Variants in PACC1 observed in about 807,000 individuals in gnomAD.
The protein encoded by PACC1 is proton activated chloride channel 1.
A neutral mutation model predicts 39.7 loss-of-function variants in PACC1; 34 were observed. The ratio of observed to expected loss-of-function variants is 0.86; its 90% CI spans 0.65 to 1.14. PACC1 has a LOEUF of 1.14. PACC1 is among the 50% of genes most tolerant of loss of function. PACC1 has a pLI of 0.00. For synonymous variants in PACC1, 127 were observed against 160.6 expected (o/e 0.79, Z 1.58); for missense variants, 379 against 436.4 (o/e 0.87, Z 1.17).
intron 7 of PACC1, among the ~76,000 whole-genome samples, chr1:212,365,691 C>A (rs1660214137): frequency 6.6e-6 from 1 of 151,856 alleles, no homozygotes; most frequent in African/African-American, 2.4e-5. Context: ...TGTCATAACT[C>A]TATATACTTC....
At chr1:212,381,424 T>G (rs1292814251) in intron 4 of PACC1, among the ~76,000 whole-genome samples, 2 of 152,130 alleles carry the variant, frequency 1.3e-5, no homozygotes, top group Admixed American at 6.5e-5. Context: ...TACCATTTTG[T>G]TTTAAGTGTG....
chr1:212,387,038 A>C lies in PACC1; in HGVS notation c.196T>G (p.Phe66Val). ...TAGATGAAGATGAGTAGGACCGAGA[A>C]GACGTTCTTCAGGCAGGCCTTGCTG... The part of the protein sequence containing the change: ...RFSKACLKNV[F>V]SVLLIFIYLL... Residue 66 changes from phenylalanine to valine, a missense_variant, in exon 3 of 8, where the codon TTC becomes GTC. Transcript: ENST00000261455. 6.2e-7 allele frequency: 1 copy of C among 1,614,252 alleles called. No homozygotes were observed. Among genetic ancestry groups the C allele is most frequent in the South Asian group, 1.1e-5 (1 of 91,088 alleles).
chr1:212,404,549 T>C (rs1191757658), intron 2 of PACC1, among the ~76,000 whole-genome samples: 2 of 152,016 alleles, frequency 1.3e-5, no homozygotes, highest in African/African-American at 4.8e-5. Context: ...AACCATACCA[T>C]GCTATTCATG....
chr1:212,385,480 C>A (rs1386126565), intron 3 of PACC1, 55 bp from the exon 4 acceptor site: 18 of 1,594,092 alleles, frequency 1.1e-5, no homozygotes, highest in Non-Finnish European at 1.5e-5. Flanking sequence ...TGACCACATC[C>A]CTGAAATCAT....
chr1:212,366,696 G>A (rs192966192), intron 7 of PACC1, among the ~76,000 whole-genome samples: 1 of 152,192 alleles, frequency 6.6e-6, no homozygotes, highest in African/African-American at 2.4e-5. Context: ...GGCTCCACTT[G>A]GCCCATAATA....
intron 1 of PACC1, 108 bp from the exon 2 acceptor site, chr1:212,410,629 A>T (rs1018160900): frequency 1.4e-5 from 14 of 974,948 alleles, no homozygotes; most frequent in Non-Finnish European, 2.3e-5. Context: ...GTCACCAAAA[A>T]CCACATGACA....
chr1:212,378,060 G>A (rs1433540781), intron 5 of PACC1, among the ~76,000 whole-genome samples: 3 of 152,088 alleles, frequency 2.0e-5, no homozygotes, highest in Non-Finnish European at 2.9e-5. Context: ...CCCAGAACAT[G>A]GCGCTCACAG....
rs1662087046 is a variant in PACC1 at position 212,410,524 on chromosome 1, A to G, written c.37-3T>C. The stretch of plus-strand genomic sequence containing the variant: ...ACCTGGACCAACTCCTCACTCAGCT[A>G]AAGGGAGAAGCAAAGAGAGCAAAGA... On this transcript the variant is annotated splice_region_variant and splice_polypyrimidine_tract_variant and intron_variant, in intron 1 of 7. Transcript: ENST00000261455. 6.2e-7 allele frequency: 1 copy of G among 1,613,772 alleles called. No homozygotes were observed. The highest frequency in any genetic ancestry group is 8.5e-7 in the Non-Finnish European group (1 of 1,179,772).
At chr1:212,388,003 G>A (rs1266352948) in intron 2 of PACC1, among the ~76,000 whole-genome samples, 1 of 147,250 alleles carries the variant, frequency 6.8e-6, no homozygotes, top group African/African-American at 2.6e-5. Flanking sequence ...GCAGTGAGCC[G>A]AGATTACTCC....
intron 2 of PACC1, among the ~76,000 whole-genome samples, chr1:212,397,898 G>A (rs1302094216): frequency 2.6e-5 from 4 of 152,208 alleles, no homozygotes; most frequent in African/African-American, 9.7e-5. Flanking sequence ...TTACGAGCAT[G>A]AGCTTTAGAG....
intron 4 of PACC1, among the ~76,000 whole-genome samples, chr1:212,380,257 T>A (rs965456911): frequency 6.6e-5 from 10 of 152,216 alleles, no homozygotes; most frequent in Admixed American, 5.2e-4. Context: ...TCATCCTCTG[T>A]CCACTTTTCT....
rs372648612 is a variant in PACC1, at chr1:212,379,816, G to A, written c.638+79C>T. 2.0e-4 allele frequency: 308 copies of A among 1,567,912 alleles called. 1 individual carries two copies. Among genetic ancestry groups the A allele is most frequent in the South Asian group, 4.1e-4 (36 of 87,052 alleles). The stretch of plus-strand genomic sequence containing the variant: ...TTCCCTTCCCTGCCCTCACCCCTCC[G>A]TCTCTAGCCTTGGGACATACACAGC... On this transcript the variant is annotated intron_variant, in intron 5 of 7. Coordinates refer to ENST00000261455, the MANE Select transcript of PACC1 (RefSeq NM_018252.3).
At chr1:212,413,615 A>C (rs1053984083) in intron 1 of PACC1, among the ~76,000 whole-genome samples, 3 of 152,192 alleles carry the variant, frequency 2.0e-5, no homozygotes, top group Non-Finnish European at 4.4e-5. Context: ...TTTAAAACTG[A>C]GTTTCCACTG....
chr1:212,391,630 G>A (rs971063907), intron 2 of PACC1, among the ~76,000 whole-genome samples: 2 of 152,166 alleles, frequency 1.3e-5, no homozygotes, highest in African/African-American at 2.4e-5. Context: ...GTCTTCAGAC[G>A]ATCAAACTTC....
At chr1:212,379,364 G>A (rs1660791609) in intron 5 of PACC1, among the ~76,000 whole-genome samples, 1 of 152,176 alleles carries the variant, frequency 6.6e-6, no homozygotes, top group Non-Finnish European at 1.5e-5. Flanking sequence ...GTCAACAGTA[G>A]GCTGTTAGTA....
chr1:212,380,766 T>A (rs1660848329), intron 4 of PACC1, among the ~76,000 whole-genome samples: 1 of 152,248 alleles, frequency 6.6e-6, no homozygotes. Flanking sequence ...CTGTGGTTTT[T>A]CCACTGTTCT....
chr1:212,366,763 G>C (rs1463342955), intron 7 of PACC1, among the ~76,000 whole-genome samples: 2 of 152,048 alleles, frequency 1.3e-5, no homozygotes, highest in Non-Finnish European at 2.9e-5. Context: ...ATTACACAAC[G>C]AGCTGCAAGC....
intron 2 of PACC1, among the ~76,000 whole-genome samples, chr1:212,406,440 CA>C (rs1661920477): frequency 6.6e-6 from 1 of 152,100 alleles, no homozygotes; most frequent in African/African-American, 2.4e-5. Flanking sequence ...TGCTTGAACT[CA>C]GGAGGTGGTG....
intron 5 of PACC1, among the ~76,000 whole-genome samples, chr1:212,379,047 G>C (rs1378416033): frequency 6.6e-6 from 1 of 151,320 alleles, no homozygotes; most frequent in African/African-American, 2.4e-5. Flanking sequence ...GGGTTCAATC[G>C]GTTCTCCTGC....
Sources: gnomAD v4.1 joint callset for allele counts (sites outside exome capture counted in the v4.1 genomes callset) on GRCh38, gnomAD v4.1.1 for gene constraint, MANE v1.5 for transcripts, NCBI Gene and HGNC (gene_info 2026-07-23, HGNC 2026-07-21) for gene names.